The following PCDHGA7 variants were observed in gnomAD, a reference collection of about 807,000 sequenced individuals.
PCDHGA7 encodes protocadherin gamma-A7.
PCDHGA7 carries 44 observed loss-of-function variants against 58.3 expected under a neutral mutation model. That is an observed-to-expected ratio of 0.75 (90% confidence interval 0.59 to 0.97). PCDHGA7 has a LOEUF of 0.97. Among genes scored for constraint, PCDHGA7 ranks in the 50% least tolerant of loss-of-function variants. The pLI, the probability that PCDHGA7 is intolerant of heterozygous loss-of-function variation, is 0.00. For synonymous variants in PCDHGA7, 516 were observed against 504.2 expected, an observed-to-expected ratio of 1.02 and a Z score of -0.31; for missense variants, 1,266 against 1,188.7, an observed-to-expected ratio of 1.06 and a Z score of -0.96.
chr5:141,415,461 T>C, intron 1 of PCDHGA7: 5 of 1,614,180 alleles, frequency 3.1e-6, no homozygotes, highest in Non-Finnish European at 4.2e-6. Context: ...ACGAGGTCTC[T>C]CTCACCGCGG....
At chr5:141,453,922 T>C (rs2098777315) in intron 1 of PCDHGA7, among the ~76,000 whole-genome samples, 1 of 152,230 alleles carries the variant, frequency 6.6e-6, no homozygotes, top group African/African-American at 2.4e-5. Context: ...CAGTGATCAG[T>C]CACTGTGTGC....
At chr5:141,413,001 G>C in intron 1 of PCDHGA7, 1 of 592,908 alleles carries the variant, frequency 1.7e-6, no homozygotes, top group Non-Finnish European at 2.8e-6. Flanking sequence ...CGGATTCTCA[G>C]GGCTTCAACT....
intron 3 of PCDHGA7, among the ~76,000 whole-genome samples, chr5:141,509,450 C>A (rs2099876883): frequency 6.6e-6 from 1 of 152,128 alleles, no homozygotes; most frequent in Non-Finnish European, 1.5e-5. Context: ...CCTCTCCCAC[C>A]CCCGACCCAG....
chr5:141,424,246 A>G (rs971050268), intron 1 of PCDHGA7: 2 of 154,772 alleles, frequency 1.3e-5, no homozygotes, highest in African/African-American at 4.8e-5. Context: ...GTGGCTGGTA[A>G]TATGCTTAGA....
intron 1 of PCDHGA7, chr5:141,421,806 A>G: frequency 6.2e-7 from 1 of 1,613,842 alleles, no homozygotes; most frequent in Non-Finnish European, 8.5e-7. Context: ...CCAAGAATCC[A>G]GAGCTAGTAC....
rs115340023 is a variant in PCDHGA7 at position 141,387,818 on chromosome 5, G to T, written c.2424+2495G>T. 2,906 of 1,551,554 alleles carry T rather than the reference G, an allele frequency of 1.9e-3. 45 individuals carry two copies. The African/African-American group carries it at 0.028, about 15-fold the overall frequency. ...AGTCCGTTCGGAGATCCAAAAATCT[G>T]CAATACAGAGGTTATTTGTAACCCG... On this transcript the variant is annotated intron_variant, in intron 1 of 3. Transcript: ENST00000518325.
rs759642890 is a variant in PCDHGA7 at position 141,389,812 on chromosome 5, C to A, written c.2424+4489C>A. ...GCCGTCCGCCAGCGCCTTCTGGTCG[C>A]CGTGCGTGACGGTGGACAGCCACCA... On this transcript the variant is annotated intron_variant, in intron 1 of 3. Transcript: ENST00000518325. 6.8e-6 allele frequency: 11 copies of A among 1,613,768 alleles called. No individual in the cohort carries two copies. The South Asian group carries it at 1.2e-4, about 18-fold the overall frequency.
intron 1 of PCDHGA7, among the ~76,000 whole-genome samples, chr5:141,488,238 C>G (rs374846692): frequency 6.6e-6 from 1 of 152,154 alleles, no homozygotes; most frequent in African/African-American, 2.4e-5. Context: ...GAACTAGATG[C>G]GGTAAATTGG....
chr5:141,431,726 G>C lies in PCDHGA7; in HGVS notation c.2424+46403G>C. On this transcript the variant is annotated intron_variant, in intron 1 of 3. Coordinates refer to ENST00000518325, the MANE Select transcript of PCDHGA7 (RefSeq NM_018920.4). The surrounding 1 kb of genome is among the most constrained non-coding windows in gnomAD (Gnocchi z 4.8). ...CTACCAGATGGAAGTGCAAGCAATG[G>C]ATAATGCAGGATATTCTGCGCGAGC... The C allele has an allele frequency of 6.2e-7, 1 of 1,614,204 alleles. No homozygotes were observed. Among genetic ancestry groups the C allele is most frequent in the Non-Finnish European group, 8.5e-7 (1 of 1,180,032 alleles).
At chr5:141,454,871 G>A (rs1337911223) in intron 1 of PCDHGA7, among the ~76,000 whole-genome samples, 2 of 129,030 alleles carry the variant, frequency 1.6e-5, no homozygotes, top group Non-Finnish European at 3.1e-5. Context: ...GCAGTGGCAC[G>A]ATCTTGGCTC....
Position 141,430,614 on chromosome 5 carries a change from T to C in PCDHGA7, c.2424+45291T>C, listed in dbSNP as rs1030314096. 7.3e-6 allele frequency: 5 copies of C among 680,636 alleles called. No individual in the cohort carries two copies. In the African/African-American group the frequency reaches 7.4e-5, roughly 10 times the overall value. 42.2% of individuals were successfully genotyped at this position (680,636 alleles called of 1,614,324 possible). ...GCACGCGCCTGAAGCACAAAGCAGA[T>C]AGCTAGGAATGAACCATCCCTGGGA... On this transcript the variant is annotated intron_variant, in intron 1 of 3. Transcript: ENST00000518325.
intron 1 of PCDHGA7, chr5:141,478,781 A>G: frequency 6.7e-7 from 1 of 1,485,388 alleles, no homozygotes; most frequent in Non-Finnish European, 9.0e-7. Flanking sequence ...TGTGGACCTA[A>G]TTCACATCCT....
rs773624580 is a variant in PCDHGA7 at position 141,489,715 on chromosome 5, G to A, written c.2425-5092G>A. On this transcript the variant is annotated intron_variant, in intron 1 of 3. Transcript: ENST00000518325. The surrounding 1 kb of genome is among the most constrained non-coding windows in gnomAD (Gnocchi z 4.5). ...ACGATTCCCACTGGACAGTGCCCAG[G>A]ATCCGGATGTGGGCACCAATACTGT... The A allele has an allele frequency of 6.2e-6, 10 of 1,614,004 alleles. No homozygotes were observed. The highest frequency in any genetic ancestry group is 2.2e-5 in the East Asian group (1 of 44,886).
rs7704696 is a variant in PCDHGA7 at position 141,383,196 on chromosome 5, T to C, written c.297T>C (p.Ser99=). The C allele has an allele frequency of 0.066, 106,221 of 1,613,864 alleles. 4,924 individuals are homozygous for C. The highest frequency in any genetic ancestry group is 0.24 in the African/African-American group (18,322 of 74,990). ...RIDREEICAQ[S]ARCLVNFNIL... Reference sequence around the variant, plus strand: ...ACCGGGAAGAGATCTGCGCTCAGAGTGCGCGGTGTCTGGTAAACTTTAACA... The same window carrying C: ...ACCGGGAAGAGATCTGCGCTCAGAGCGCGCGGTGTCTGGTAAACTTTAACA... Residue 99 remains serine (S), a synonymous_variant, in exon 1 of 4, where the codon AGT becomes AGC. Transcript: ENST00000518325.
chr5:141,395,147 G>T (rs906877951), intron 1 of PCDHGA7: 21 of 1,614,092 alleles, frequency 1.3e-5, no homozygotes, highest in Non-Finnish European at 1.8e-5. Context: ...ACGCAGACAT[G>T]CTCATCAGTC....
chr5:141,402,977 C>T, intron 1 of PCDHGA7: 2 of 1,608,138 alleles, frequency 1.2e-6, no homozygotes, highest in Non-Finnish European at 8.5e-7. Flanking sequence ...CAAATGCCAG[C>T]TCCGCGGAAG....
chr5:141,394,060 C>G, intron 1 of PCDHGA7: 8 of 1,613,780 alleles, frequency 5.0e-6, no homozygotes, highest in Non-Finnish European at 5.9e-6. Context: ...GAAAATGTCT[C>G]TATCTACAAT....
chr5:141,394,073 C>T (rs762892708), intron 1 of PCDHGA7: 14 of 1,613,718 alleles, frequency 8.7e-6, no homozygotes, highest in Non-Finnish European at 1.1e-5. Flanking sequence ...TCTACAATAT[C>T]ACAGTGATGG....
chr5:141,392,775 A>C (rs777775450), intron 1 of PCDHGA7: 1 of 1,524,280 alleles, frequency 6.6e-7, no homozygotes, highest in South Asian at 1.3e-5. Context: ...CCATTTATGC[A>C]CAGTGAAGAT....
Sources: allele counts gnomAD v4.1 joint callset (sites outside exome capture counted in the v4.1 genomes callset), GRCh38; gene constraint gnomAD v4.1.1; non-coding constraint Gnocchi (gnomAD v3.1); transcripts MANE v1.5; gene names NCBI Gene and HGNC (gene_info 2026-07-23, HGNC 2026-07-21).